HMCN1: variants seen among roughly 807,000 people sequenced by gnomAD.
HMCN1 encodes hemicentin 1, also known as hemicentin-1.
In HMCN1, 321 loss-of-function variants were observed where a neutral mutation model predicts 625.9. That is an observed-to-expected ratio of 0.51 (90% CI 0.47 to 0.56). The LOEUF (loss-of-function observed/expected upper bound fraction) is 0.56, where lower values mean the gene tolerates loss of function less well. Among genes scored for constraint, HMCN1 ranks in the 20% least tolerant of loss-of-function variants. The pLI is 0.00. For missense variants in HMCN1, 6,588 were observed against 6,887.3 expected, an observed-to-expected ratio of 0.96 and a Z score of 1.54; for synonymous variants, 2,425 against 2,417.6, an observed-to-expected ratio of 1.00 and a Z score of -0.09.
At chr1:185,808,365 A>T (rs1387876418) in intron 1 of HMCN1, among the ~76,000 whole-genome samples, 1 of 151,936 alleles carries the variant, frequency 6.6e-6, no homozygotes, top group Non-Finnish European at 1.5e-5. Context: ...AATAAATAAA[A>T]AATAAAAAGT....
Position 185,734,463 on chromosome 1 carries a change from A to T in HMCN1, c.-317A>T. 2 of 296,822 alleles carry T rather than the reference A, an allele frequency of 6.7e-6. No individual in the cohort carries two copies. Among genetic ancestry groups the T allele is most frequent in the Non-Finnish European group, 1.2e-5 (2 of 160,644 alleles). The allele number at this position is 296,822 out of a possible 1,614,324, so 18.4% of individuals were successfully genotyped here. A position where few individuals can be genotyped will look rare whatever the true frequency, so the allele number is the denominator to read the frequency against. On this transcript the variant is annotated 5_prime_UTR_variant, in exon 1 of 107. Transcript: ENST00000271588. ...ATTCGGGCCGCGGCGCCGCAGGCTC[A>T]GAGCTGCCCCCGGGGCATGGACCCG...
At chr1:185,908,526 T>C (rs1294604726) in intron 4 of HMCN1, among the ~76,000 whole-genome samples, 1 of 151,932 alleles carries the variant, frequency 6.6e-6, no homozygotes, top group Admixed American at 6.6e-5. Flanking sequence ...TGCCCAGACA[T>C]GCACCATTTG....
At chr1:185,994,586 T>G (rs1652656094) in intron 23 of HMCN1, among the ~76,000 whole-genome samples, 1 of 152,138 alleles carries the variant, frequency 6.6e-6, no homozygotes, top group Non-Finnish European at 1.5e-5. Flanking sequence ...ATCCTTGCAG[T>G]GTACTGGCAT....
At chr1:185,764,890 C>A (rs1655770065) in intron 1 of HMCN1, among the ~76,000 whole-genome samples, 1 of 152,134 alleles carries the variant, frequency 6.6e-6, no homozygotes, top group Non-Finnish European at 1.5e-5. Context: ...TTAGAGGTGT[C>A]AATCTGTCAC....
chr1:186,174,425 T>C (rs1652431735), intron 102 of HMCN1, 89 bp from the exon 103 acceptor site: 1 of 1,495,712 alleles, frequency 6.7e-7, no homozygotes, highest in Non-Finnish European at 9.3e-7. Context: ...AATGCAACCT[T>C]TGGCAATTCT....
At chr1:186,094,203 T>A in intron 66 of HMCN1, 73 bp from the exon 67 acceptor site, 2 of 1,177,592 alleles carry the variant, frequency 1.7e-6, no homozygotes, top group South Asian at 2.5e-5. Context: ...AGCCTATTTA[T>A]AAATCATAAT....
intron 1 of HMCN1, among the ~76,000 whole-genome samples, chr1:185,787,741 C>G (rs1159985572): frequency 6.6e-6 from 1 of 152,212 alleles, no homozygotes; most frequent in Non-Finnish European, 1.5e-5. Context: ...AGGAAGCAAA[C>G]TAACATCCGT....
intron 29 of HMCN1, among the ~76,000 whole-genome samples, chr1:186,006,136 CA>C (rs34375658): frequency 0.026 from 1,685 of 64,318 alleles, 9 homozygotes; most frequent in Middle Eastern, 0.038. Context: ...GACTTCATTT[CA>C]AAAAAAAAAA....
At chr1:186,077,754 C>T (rs866254361) in intron 54 of HMCN1, among the ~76,000 whole-genome samples, 5 of 152,118 alleles carry the variant, frequency 3.3e-5, no homozygotes, top group Non-Finnish European at 7.4e-5. Flanking sequence ...GTACTTGCAG[C>T]AAATGGTGTA....
chr1:186,038,874 G>C lies in HMCN1; in HGVS notation c.5897G>C (p.Ser1966Thr). 1 of 1,604,806 alleles carries C rather than the reference G, an allele frequency of 6.2e-7. No homozygotes were observed. Residue 1966 changes from serine to threonine, a missense_variant, in exon 38 of 107, where the codon AGC (serine) becomes ACC (threonine). Around this residue, in one of 3 missense-constraint regions of HMCN1, gnomAD observed 4,628 missense variants for 4,853.1 expected, o/e 0.95. Transcript: ENST00000271588. ...KDNRLLSGST[S>T]MTFLNRGQII... is the part of the protein sequence containing the mutation. ...AATCGTCTACTCTCAGGTTCCACCA[G>C]CATGACTTTCTTGAACAGAGGACAG...
chr1:186,023,219 A>G, intron 36 of HMCN1, 66 bp downstream of exon 36: 1 of 1,386,838 alleles, frequency 7.2e-7, no homozygotes, highest in Non-Finnish European at 1.0e-6. Context: ...TAGTGGGCTC[A>G]TTTTTATTGA....
rs750409347 is a variant in HMCN1, at chr1:185,970,361, T to A, written c.2239T>A (p.Phe747Ile). The A allele has an allele frequency of 6.2e-7, 1 of 1,613,628 alleles. No homozygotes were observed. Among genetic ancestry groups the A allele is most frequent in the Admixed American group, 1.7e-5 (1 of 60,002 alleles). The change falls in exon 15 of 107, where the codon TTC becomes ATC. Residue 747 changes from phenylalanine to isoleucine, a missense_variant. By Grantham distance (21) the Phe-to-Ile change is conservative (BLOSUM62 0). Transcript: ENST00000271588. ...KGDLELRPST[F>I]LIIDPLLGLL... Reference sequence around the variant, plus strand: ...AGATCTTGAGTTGAGGCCCTCAACATTCCTCATTATTGACCCTCTCTTGGG... The same window carrying A: ...AGATCTTGAGTTGAGGCCCTCAACAATCCTCATTATTGACCCTCTCTTGGG...
chr1:186,185,304 GA>G (rs1653218213), intron 105 of HMCN1, among the ~76,000 whole-genome samples: 1 of 152,282 alleles, frequency 6.6e-6, no homozygotes, highest in African/African-American at 2.4e-5. Context: ...CAATGAATAT[GA>G]AGAGAAATTT....
At chr1:185,986,180 A>T (rs1651986979) in intron 19 of HMCN1, among the ~76,000 whole-genome samples, 1 of 152,224 alleles carries the variant, frequency 6.6e-6, no homozygotes. Context: ...CTTTAAGAAT[A>T]AATTATCTAA....
At chr1:185,788,207 G>A (rs1373075166) in intron 1 of HMCN1, among the ~76,000 whole-genome samples, 1 of 152,312 alleles carries the variant, frequency 6.6e-6, no homozygotes, top group African/African-American at 2.4e-5. Flanking sequence ...TCTTATGCCA[G>A]TGCAACCGAC....
intron 1 of HMCN1, among the ~76,000 whole-genome samples, chr1:185,751,154 C>A (rs929712366): frequency 6.6e-6 from 1 of 152,024 alleles, no homozygotes; most frequent in African/African-American, 2.4e-5. Context: ...GATTCTTATT[C>A]CCCCACCAAC....
At chr1:185,999,206 T>A in intron 25 of HMCN1, among the ~76,000 whole-genome samples, 1 of 152,170 alleles carries the variant, frequency 6.6e-6, no homozygotes, top group Admixed American at 6.6e-5. Flanking sequence ...TAACAATGTC[T>A]TATGTAATCA....
At position 186,082,927 on chromosome 1, in the gene HMCN1, G is replaced by C. The variant is rs374013954; in HGVS notation, c.8850G>C (p.Gly2950=). ...RYVCVAENTA[G]SAKKYFNLNV... ...TGTGTGTTGCTGAGAACACAGCTGG[G>C]AGTGCCAAAAAATATTTTAACCTCA... The change falls in exon 57 of 107, where the codon GGG becomes GGC. Residue 2950 remains glycine (G), a synonymous_variant. Transcript: ENST00000271588. The C allele has an allele frequency of 6.3e-7, 1 of 1,592,766 alleles. No homozygotes were observed. Among genetic ancestry groups the C allele is most frequent in the Non-Finnish European group, 8.6e-7 (1 of 1,168,132 alleles).
chr1:185,933,945 A>G (rs1667689195), intron 11 of HMCN1, 121 bp downstream of exon 11: 2 of 877,688 alleles, frequency 2.3e-6, no homozygotes, highest in South Asian at 2.7e-5. Flanking sequence ...TACAGTTTTA[A>G]GTGATAGAAT....
Sources: allele counts gnomAD v4.1 joint callset (sites outside exome capture counted in the v4.1 genomes callset), GRCh38; gene constraint gnomAD v4.1.1; regional missense constraint gnomAD v4.1.1; transcripts MANE v1.5; gene names NCBI Gene and HGNC (gene_info 2026-07-23, HGNC 2026-07-21).